Variants in ZNF385D observed in about 807,000 individuals in gnomAD.
ZNF385D encodes zinc finger protein 659.
In ZNF385D, 15 loss-of-function variants were observed where a neutral mutation model predicts 35.8. The observed-to-expected ratio is 0.42, with a 90% CI of 0.28 to 0.64. The LOEUF is 0.64. ZNF385D is among the 30% of genes least tolerant of loss of function. The pLI is 0.23. For synonymous variants in ZNF385D, 212 were observed against 186.8 expected (o/e 1.13, Z -1.10); for missense variants, 474 against 494.6 (o/e 0.96, Z 0.39).
chr3:21,518,866 T>A (rs1707742195), intron 3 of ZNF385D, among the ~76,000 whole-genome samples: 1 of 152,212 alleles, frequency 6.6e-6, no homozygotes. Flanking sequence ...TATAGATATA[T>A]TTATTTCTTA....
At chr3:22,081,906 T>C (rs1370953639) in intron 3 of ZNF385D, among the ~76,000 whole-genome samples, 1 of 152,070 alleles carries the variant, frequency 6.6e-6, no homozygotes, top group Non-Finnish European at 1.5e-5. Flanking sequence ...GCTAACACAG[T>C]GATCTTATCA....
chr3:21,870,394 G>A (rs547904530), intron 3 of ZNF385D, among the ~76,000 whole-genome samples: 1 of 152,306 alleles, frequency 6.6e-6, no homozygotes, highest in South Asian at 2.1e-4. Context: ...AGTAAGATGT[G>A]ATTCCAGACA....
At chr3:22,331,485 ATAT>A (rs1158554058) in intron 2 of ZNF385D, among the ~76,000 whole-genome samples, 10 of 152,290 alleles carry the variant, frequency 6.6e-5, no homozygotes, top group African/African-American at 2.2e-4. Flanking sequence ...TGAAAACTTA[ATAT>A]TATTTCATAA....
At chr3:22,032,846 C>G (rs1375395907) in intron 3 of ZNF385D, among the ~76,000 whole-genome samples, 1 of 152,098 alleles carries the variant, frequency 6.6e-6, no homozygotes, top group Non-Finnish European at 1.5e-5. Flanking sequence ...TCCACAATTA[C>G]CCCTGAGCTA....
chr3:21,507,884 C>T (rs765175419), intron 4 of ZNF385D, among the ~76,000 whole-genome samples: 4 of 152,244 alleles, frequency 2.6e-5, no homozygotes, highest in Admixed American at 6.5e-5. Flanking sequence ...TAAGGGTCTA[C>T]GAAATGGGTG....
chr3:21,791,881 C>T (rs1294470164), intron 3 of ZNF385D, among the ~76,000 whole-genome samples: 2 of 152,016 alleles, frequency 1.3e-5, no homozygotes, highest in African/African-American at 2.4e-5. Flanking sequence ...ATTACAGGCA[C>T]GTGCCACCAC....
At chr3:22,167,145 A>C (rs1350456898) in intron 3 of ZNF385D, among the ~76,000 whole-genome samples, 3 of 152,200 alleles carry the variant, frequency 2.0e-5, no homozygotes, top group Non-Finnish European at 2.9e-5. Context: ...GCTACAAGTC[A>C]AATCCATGGA....
intron 3 of ZNF385D, among the ~76,000 whole-genome samples, chr3:21,919,806 T>C (rs996767765): frequency 1.3e-5 from 2 of 152,242 alleles, no homozygotes; most frequent in Non-Finnish European, 2.9e-5. Context: ...GCATCTTCCA[T>C]TTTGATATTA....
At chr3:21,511,137 C>T (rs1330309585) in intron 3 of ZNF385D, 114 bp from the exon 4 acceptor site, 6 of 1,338,336 alleles carry the variant, frequency 4.5e-6, no homozygotes, top group Non-Finnish European at 6.1e-6. Context: ...CGAGCTAATT[C>T]TGGCCGTGGC....
intron 3 of ZNF385D, among the ~76,000 whole-genome samples, chr3:21,761,688 G>T (rs1021489984): frequency 3.3e-5 from 5 of 151,964 alleles, no homozygotes; most frequent in African/African-American, 1.2e-4. Context: ...CTCTCAAGGG[G>T]GTGTCTGTCA....
At chr3:21,485,572 G>A (rs1157119045) in intron 4 of ZNF385D, among the ~76,000 whole-genome samples, 11 of 151,916 alleles carry the variant, frequency 7.2e-5, no homozygotes, top group Admixed American at 1.3e-4. Flanking sequence ...TTTTAATATA[G>A]ATAACATCTC....
intron 3 of ZNF385D, among the ~76,000 whole-genome samples, chr3:22,022,956 G>T (rs967992818): frequency 3.9e-5 from 6 of 152,094 alleles, no homozygotes; most frequent in Admixed American, 6.6e-5. Context: ...GCAAAGTCCT[G>T]AAAATAAAAA....
At chr3:22,235,459 G>T (rs1267612160) in intron 2 of ZNF385D, among the ~76,000 whole-genome samples, 1 of 151,958 alleles carries the variant, frequency 6.6e-6, no homozygotes, top group East Asian at 1.9e-4. Context: ...AAGATCAATA[G>T]AACTAAAATA....
intron 2 of ZNF385D, among the ~76,000 whole-genome samples, chr3:22,238,645 A>G (rs1359744003): frequency 6.6e-6 from 1 of 150,864 alleles, no homozygotes; most frequent in Non-Finnish European, 1.5e-5. Context: ...TTATCCTTCA[A>G]TCTTACAGAA....
intron 3 of ZNF385D, among the ~76,000 whole-genome samples, chr3:21,809,544 G>C (rs920157028): frequency 1.3e-5 from 2 of 151,238 alleles, no homozygotes; most frequent in African/African-American, 4.8e-5. Flanking sequence ...GATAATTTAA[G>C]AATGTATATA....
intron 3 of ZNF385D, among the ~76,000 whole-genome samples, chr3:21,783,198 T>A (rs184575605): frequency 5.3e-5 from 8 of 152,166 alleles, no homozygotes; most frequent in African/African-American, 1.9e-4. Context: ...ACATGGCATC[T>A]GAAACAACTT....
intron 3 of ZNF385D, among the ~76,000 whole-genome samples, chr3:21,766,842 CTGTT>C (rs1318516856): frequency 6.6e-5 from 10 of 152,162 alleles, no homozygotes; most frequent in African/African-American, 2.2e-4. Flanking sequence ...ACTGGAAACA[CTGTT>C]TGTAGGTGAA....
At chr3:22,308,432 C>T (rs1183647700) in intron 2 of ZNF385D, among the ~76,000 whole-genome samples, 2 of 151,936 alleles carry the variant, frequency 1.3e-5, no homozygotes, top group Admixed American at 1.3e-4. Context: ...ATAAAACCTG[C>T]CTTTTTTTTC....
At chr3:22,134,912 C>A (rs369152619) in intron 3 of ZNF385D, among the ~76,000 whole-genome samples, 2 of 152,136 alleles carry the variant, frequency 1.3e-5, no homozygotes, top group East Asian at 1.9e-4. Flanking sequence ...CTCATTAGGT[C>A]CAACCTTCCA....
Sources: gnomAD v4.1 joint callset for allele counts (sites outside exome capture counted in the v4.1 genomes callset) on GRCh38, gnomAD v4.1.1 for gene constraint, MANE v1.5 for transcripts, NCBI Gene and HGNC (gene_info 2026-07-23, HGNC 2026-07-21) for gene names.